Variants in GRM7 observed in about 807,000 individuals in gnomAD.
GRM7 encodes the protein glutamate metabotropic receptor 7, also known as metabotropic glutamate receptor 7.
In GRM7, 35 loss-of-function variants were observed where a neutral mutation model predicts 84.5. The ratio of observed to expected loss-of-function variants is 0.41; its 90% CI spans 0.32 to 0.55. GRM7 has a LOEUF of 0.55. GRM7 is among the 20% of genes least tolerant of loss of function. The probability of loss-of-function intolerance (pLI) is 0.19; values close to 1 mark genes in which losing one functional copy is unlikely to be tolerated. For missense variants in GRM7, 1,003 were observed against 1,194.6 expected (o/e 0.84, Z 2.36); for synonymous variants, 487 against 455.1 (o/e 1.07, Z -0.89).
At chr3:7,595,289 G>A (rs990371084) in intron 8 of GRM7, among the ~76,000 whole-genome samples, 1 of 152,182 alleles carries the variant, frequency 6.6e-6, no homozygotes, top group Non-Finnish European at 1.5e-5. Context: ...CTTCTGATTG[G>A]TTGGTAGTCA....
rs932812297 is a variant in GRM7, at chr3:6,863,967, C to T, written c.519+2060C>T. ...AAAATATTCCAGGGGGAGCTGATTCCTTCTCTGGTGTGTGAACCTGAGGCA... is the reference window on the plus strand; with the variant it reads ...AAAATATTCCAGGGGGAGCTGATTCTTTCTCTGGTGTGTGAACCTGAGGCA... On this transcript the variant is annotated intron_variant, in intron 1 of 9. Transcript: ENST00000357716. This position sits in a 1 kb window ranked among gnomAD's most constrained non-coding sequence, Gnocchi z 4.8. Among the ~76,000 whole-genome samples the T allele has an allele frequency of 4.6e-5, 7 of 152,096 alleles. No individual in the cohort carries two copies. Among genetic ancestry groups the T allele is most frequent in the Non-Finnish European group, 1.0e-4 (7 of 68,022 alleles).
At chr3:7,643,117 A>G (rs1342002929) in intron 8 of GRM7, among the ~76,000 whole-genome samples, 4 of 152,190 alleles carry the variant, frequency 2.6e-5, no homozygotes, top group African/African-American at 7.2e-5. Flanking sequence ...GCAGATCCCT[A>G]TACGCCATAC....
intron 1 of GRM7, among the ~76,000 whole-genome samples, chr3:7,119,732 T>A (rs1488611878): frequency 1.3e-5 from 2 of 152,134 alleles, no homozygotes; most frequent in Non-Finnish European, 2.9e-5. Context: ...CAGTTAGAAT[T>A]GGAAATTAGG....
intron 2 of GRM7, among the ~76,000 whole-genome samples, chr3:7,156,151 A>G (rs149088838): frequency 6.0e-4 from 91 of 152,314 alleles, no homozygotes; most frequent in African/African-American, 2.1e-3. Context: ...GAAGGTGCTC[A>G]TAGGAGACTA....
At chr3:7,500,857 A>G (rs996287140) in intron 7 of GRM7, among the ~76,000 whole-genome samples, 22 of 152,308 alleles carry the variant, frequency 1.4e-4, no homozygotes, top group African/African-American at 5.1e-4. Flanking sequence ...GATGAGAAAT[A>G]CTTGGTACAG....
At chr3:7,027,634 G>A (rs1696027420) in intron 1 of GRM7, among the ~76,000 whole-genome samples, 1 of 151,986 alleles carries the variant, frequency 6.6e-6, no homozygotes, top group Admixed American at 6.6e-5. Flanking sequence ...AAGAAAACAA[G>A]AAAGGCAAAA....
intron 7 of GRM7, among the ~76,000 whole-genome samples, chr3:7,561,207 T>C (rs1160429960): frequency 6.6e-6 from 1 of 152,160 alleles, no homozygotes; most frequent in East Asian, 1.9e-4. Context: ...TTTTGCCATC[T>C]TGTTTCATTA....
intron 7 of GRM7, among the ~76,000 whole-genome samples, chr3:7,536,042 G>A (rs527633825): frequency 1.3e-5 from 2 of 152,278 alleles, no homozygotes; most frequent in African/African-American, 4.8e-5. Context: ...CTTCTTGGGA[G>A]ACAGCATACA....
chr3:7,670,261 G>A (rs1699864169), intron 8 of GRM7, among the ~76,000 whole-genome samples: 1 of 152,192 alleles, frequency 6.6e-6, no homozygotes, highest in Non-Finnish European at 1.5e-5. Context: ...TGAAGGGCAG[G>A]AAGGGAGCTA....
intron 1 of GRM7, among the ~76,000 whole-genome samples, chr3:6,923,824 C>G (rs929322256): frequency 6.6e-6 from 1 of 152,176 alleles, no homozygotes; most frequent in Non-Finnish European, 1.5e-5. Context: ...ATGCAGCTGA[C>G]TAAACCTCTT....
intron 2 of GRM7, among the ~76,000 whole-genome samples, chr3:7,162,572 G>A (rs1401752019): frequency 6.6e-6 from 1 of 151,654 alleles, no homozygotes; most frequent in Non-Finnish European, 1.5e-5. Flanking sequence ...AAGAATGGGA[G>A]GTGAGAAATT....
chr3:7,576,904 G>A (rs1041877992), intron 7 of GRM7, among the ~76,000 whole-genome samples: 2 of 152,162 alleles, frequency 1.3e-5, no homozygotes, highest in Admixed American at 6.6e-5. Flanking sequence ...CTTACATAAT[G>A]TCATAGTCTA....
chr3:7,642,462 T>C (rs1475645365), intron 8 of GRM7, among the ~76,000 whole-genome samples: 1 of 152,176 alleles, frequency 6.6e-6, no homozygotes, highest in African/African-American at 2.4e-5. Flanking sequence ...ACCTGGTGTT[T>C]TGAGTGGGTT....
chr3:7,596,144 A>G (rs181419022), intron 8 of GRM7, among the ~76,000 whole-genome samples: 66 of 152,320 alleles, frequency 4.3e-4, no homozygotes, highest in African/African-American at 1.2e-3. Flanking sequence ...GCTAGACAGA[A>G]TCTGGTGATT....
At chr3:7,448,868 G>A (rs1156963442) in intron 5 of GRM7, among the ~76,000 whole-genome samples, 2 of 151,968 alleles carry the variant, frequency 1.3e-5, no homozygotes, top group African/African-American at 4.8e-5. Flanking sequence ...TATTAGTGTA[G>A]TTTAGAAATG....
chr3:7,636,141 C>A (rs530068436), intron 8 of GRM7: 2 of 433,768 alleles, frequency 4.6e-6, no homozygotes, highest in African/African-American at 2.0e-5. Flanking sequence ...CATTTTGATG[C>A]ATGTTTATCT....
At chr3:7,304,530 A>G (rs1165243857) in intron 3 of GRM7, among the ~76,000 whole-genome samples, 2 of 151,802 alleles carry the variant, frequency 1.3e-5, no homozygotes, top group African/African-American at 2.4e-5. Context: ...TAAAAATAAT[A>G]TTTAAAGATT....
chr3:6,878,666 G>A (rs2124957766), intron 1 of GRM7, among the ~76,000 whole-genome samples: 1 of 152,260 alleles, frequency 6.6e-6, no homozygotes, highest in South Asian at 2.1e-4. Flanking sequence ...ACATCAATGT[G>A]CTGAAGAATC....
intron 8 of GRM7, among the ~76,000 whole-genome samples, chr3:7,594,418 C>A (rs1419313252): frequency 1.3e-5 from 2 of 152,090 alleles, no homozygotes; most frequent in African/African-American, 4.8e-5. Flanking sequence ...ACCCTGTAGC[C>A]CTGCCAGTCT....
Sources: gnomAD v4.1 joint callset for allele counts (sites outside exome capture counted in the v4.1 genomes callset) on GRCh38, gnomAD v4.1.1 for gene constraint, Gnocchi (gnomAD v3.1) non-coding constraint, MANE v1.5 for transcripts, NCBI Gene and HGNC (gene_info 2026-07-23, HGNC 2026-07-21) for gene names.